The following TCF12 variants were observed in gnomAD, a reference collection of about 807,000 sequenced individuals.
TCF12 encodes transcription factor 12.
Under a neutral mutation model 86.0 loss-of-function variants are expected in TCF12, and 45 were observed. That is an observed-to-expected ratio of 0.52 (90% CI 0.41 to 0.67). The LOEUF (loss-of-function observed/expected upper bound fraction) is 0.67. Among genes scored for constraint, TCF12 ranks in the 30% least tolerant of loss-of-function variants. The probability of loss-of-function intolerance (pLI) is 0.00; values close to 1 mark genes in which losing one functional copy is unlikely to be tolerated. For synonymous variants in TCF12, 330 were observed against 299.6 expected (o/e 1.10, Z -1.05); for missense variants, 881 against 859.9 (o/e 1.02, Z -0.31).
intron 8 of TCF12, among the ~76,000 whole-genome samples, chr15:57,228,055 A>T (rs1185652564): frequency 6.6e-6 from 1 of 152,022 alleles, no homozygotes; most frequent in African/African-American, 2.4e-5. Flanking sequence ...CAGATGACAT[A>T]AGCAGTCTGA....
At chr15:57,099,348 G>A (rs2049562890) in intron 5 of TCF12, among the ~76,000 whole-genome samples, 1 of 152,018 alleles carries the variant, frequency 6.6e-6, no homozygotes, top group African/African-American at 2.4e-5. Flanking sequence ...CTCCTGTATG[G>A]ACTCAGATCC....
At chr15:56,990,919 A>G (rs2063425601) in intron 3 of TCF12, among the ~76,000 whole-genome samples, 2 of 151,274 alleles carry the variant, frequency 1.3e-5, no homozygotes, top group Admixed American at 6.6e-5. Flanking sequence ...CTCAGCCTCC[A>G]CAGTAGCTGG....
intron 3 of TCF12, among the ~76,000 whole-genome samples, chr15:57,062,573 C>T (rs935156851): frequency 5.3e-5 from 8 of 152,128 alleles, no homozygotes; most frequent in African/African-American, 1.9e-4. Flanking sequence ...GACCCCTCCC[C>T]CTTCCCTGCT....
At chr15:57,166,594 T>C (rs2054912089) in intron 6 of TCF12, 128 bp downstream of exon 6, 1 of 752,294 alleles carries the variant, frequency 1.3e-6, no homozygotes, top group African/African-American at 1.8e-5. Context: ...AACTAAGTGT[T>C]GTTTTTTGCT....
chr15:56,966,242 A>G (rs1453382869), intron 3 of TCF12, among the ~76,000 whole-genome samples: 1 of 151,966 alleles, frequency 6.6e-6, no homozygotes, highest in Non-Finnish European at 1.5e-5. Context: ...AAGTTTTGCT[A>G]TTACTTTCAA....
At chr15:57,277,362 G>A (rs1168798314) in intron 19 of TCF12, among the ~76,000 whole-genome samples, 1 of 151,926 alleles carries the variant, frequency 6.6e-6, no homozygotes, top group East Asian at 1.9e-4. Flanking sequence ...CGGGTGCAGT[G>A]GCTCACACCT....
In TCF12 at chr15:57,239,775, GCATGGTGC is replaced by G. The variant is rs2059536490; in HGVS notation, c.1036-3696_1036-3689del. Among the ~76,000 whole-genome samples, 4 of 152,078 alleles carry G rather than the reference GCATGGTGC, an allele frequency of 2.6e-5. No individual in the cohort carries two copies. In the South Asian group the frequency reaches 6.2e-4, roughly 24 times the overall value. On this transcript the variant is annotated intron_variant, in intron 12 of 20. Coordinates refer to ENST00000333725, the MANE Select transcript of TCF12 (RefSeq NM_207037.2). ...GAGAGAGTACTTATGGTAACCATAA[GCATGGTGC>G]TACTAACCTAAATAGAAGAGTAGAG...
Position 57,077,381 on chromosome 15 carries a change from A to ATTTTTT in TCF12, c.222+13566_222+13571dup, listed in dbSNP as rs11461802. Among the ~76,000 whole-genome samples the ATTTTTT allele has an allele frequency of 1.0e-4, 11 of 108,458 alleles. 1 individual carries two copies. Among genetic ancestry groups the ATTTTTT allele is most frequent in the African/African-American group, 3.3e-4 (8 of 24,440 alleles). The allele number at this position is 108,458 out of a possible 152,430, so 71.2% of individuals were successfully genotyped here. On this transcript the variant is annotated intron_variant, in intron 4 of 20. Transcript: ENST00000333725. ...TGTGTGTGTGTGTGTGTGTATATAT[A>ATTTTTT]TTTTTTTTTTTTTGGCAAGGCTTTG...
intron 4 of TCF12, among the ~76,000 whole-genome samples, chr15:57,081,944 T>A (rs1163000294): frequency 1.3e-5 from 2 of 152,174 alleles, no homozygotes; most frequent in Non-Finnish European, 2.9e-5. Flanking sequence ...AATATATTCC[T>A]GGAAGGAACC....
chr15:57,088,588 G>T (rs865859898), intron 4 of TCF12, among the ~76,000 whole-genome samples: 3 of 151,308 alleles, frequency 2.0e-5, no homozygotes, highest in Admixed American at 6.6e-5. Context: ...TCAGTGGGGG[G>T]TGCCTGGCTG....
intron 18 of TCF12, among the ~76,000 whole-genome samples, chr15:57,270,325 A>C (rs2061075538): frequency 6.6e-6 from 1 of 152,128 alleles, no homozygotes; most frequent in Non-Finnish European, 1.5e-5. Context: ...AATCACTGAT[A>C]TCCTTTCCTC....
intron 5 of TCF12, among the ~76,000 whole-genome samples, chr15:57,110,051 A>G (rs2050385612): frequency 6.6e-6 from 1 of 152,222 alleles, no homozygotes; most frequent in African/African-American, 2.4e-5. Context: ...ATTTGGAAAA[A>G]GTAAAAATGA....
intron 5 of TCF12, among the ~76,000 whole-genome samples, chr15:57,102,052 G>T (rs1184065540): frequency 1.3e-5 from 2 of 151,888 alleles, no homozygotes; most frequent in African/African-American, 4.8e-5. Context: ...ACTTAAACAT[G>T]TAGGTAGTTA....
intron 8 of TCF12, among the ~76,000 whole-genome samples, chr15:57,214,968 AAC>A (rs1467635749): frequency 6.6e-6 from 1 of 152,188 alleles, no homozygotes; most frequent in Non-Finnish European, 1.5e-5. Context: ...TTAGATCAAT[AAC>A]ACTATTAACT....
At chr15:56,949,338 A>G (rs1311306273) in intron 3 of TCF12, among the ~76,000 whole-genome samples, 1 of 152,220 alleles carries the variant, frequency 6.6e-6, no homozygotes, top group Non-Finnish European at 1.5e-5. Context: ...CCTTTTTAAA[A>G]AAACTTTGTT....
At chr15:57,053,442 CTTTGT>C (rs2067773940) in intron 3 of TCF12, among the ~76,000 whole-genome samples, 2 of 152,180 alleles carry the variant, frequency 1.3e-5, no homozygotes, top group East Asian at 1.9e-4. Context: ...CTGTTGTTGA[CTTTGT>C]TTTGAGTAGC....
rs1190956035 is a variant in TCF12 at position 57,231,197 on chromosome 15, C to G, written c.625C>G (p.Pro209Ala). 3.1e-6 allele frequency: 5 copies of G among 1,613,086 alleles called. No homozygotes were observed. The East Asian group carries it at 8.9e-5, about 29-fold the overall frequency. ...TTCAGATGATTTCAACCGTGAATCT[C>G]CTAGTTATCCATCTCCTAAGCCACC... ...PNSDDFNRES[P>A]SYPSPKPPTS... Residue 209 changes from proline (P) to alanine (A), a missense_variant, in exon 9 of 21, where the codon CCT (proline) becomes GCT (alanine). Pro to Ala is a conservative substitution (Grantham distance 27). Coordinates refer to ENST00000333725, the MANE Select transcript of TCF12 (RefSeq NM_207037.2).
chr15:57,195,075 G>C (rs758233317), intron 7 of TCF12, among the ~76,000 whole-genome samples: 33 of 152,010 alleles, frequency 2.2e-4, no homozygotes, highest in Non-Finnish European at 4.6e-4. Flanking sequence ...GCTAATTTTT[G>C]TATTTTTAGT....
chr15:57,198,929 C>T (rs1268588863), intron 8 of TCF12, among the ~76,000 whole-genome samples: 3 of 152,140 alleles, frequency 2.0e-5, no homozygotes, highest in Admixed American at 6.5e-5. Flanking sequence ...TGTCTGCCTT[C>T]CTTCTTTTCT....
Sources: gnomAD v4.1 joint callset for allele counts (sites outside exome capture counted in the v4.1 genomes callset) on GRCh38, gnomAD v4.1.1 for gene constraint, MANE v1.5 for transcripts, NCBI Gene and HGNC (gene_info 2026-07-23, HGNC 2026-07-21) for gene names.